Variants in MAP3K19 observed in about 807,000 individuals in gnomAD.
MAP3K19 encodes the protein SPS1/STE20-related protein kinase YSK4.
In MAP3K19, 91 loss-of-function variants were observed where a neutral mutation model predicts 114.4. The observed-to-expected ratio is 0.80, with a 90% CI of 0.67 to 0.95. MAP3K19 has a LOEUF of 0.95. MAP3K19 is among the 40% of genes least tolerant of loss of function. MAP3K19 has a pLI of 0.00. For synonymous variants in MAP3K19, 518 were observed against 530.5 expected, an observed-to-expected ratio of 0.98 and a Z score of 0.32; for missense variants, 1,471 against 1,573.2, an observed-to-expected ratio of 0.94 and a Z score of 1.10.
At chr2:135,000,636 A>G (rs1469774525) in intron 6 of MAP3K19, among the ~76,000 whole-genome samples, 1 of 152,230 alleles carries the variant, frequency 6.6e-6, no homozygotes. Flanking sequence ...CTTAGTGCTG[A>G]AAACAGGGAA....
intron 8 of MAP3K19, among the ~76,000 whole-genome samples, chr2:134,992,432 A>AACC (rs549999783): frequency 9.9e-5 from 15 of 152,090 alleles, no homozygotes; most frequent in African/African-American, 3.4e-4. Context: ...AAACCCCATG[A>AACC]ACCACCACCA....
chr2:135,017,623 C>T (rs1056361628), intron 5 of MAP3K19, among the ~76,000 whole-genome samples: 5 of 152,164 alleles, frequency 3.3e-5, no homozygotes, highest in Non-Finnish European at 7.4e-5. Context: ...CCAAACCCTC[C>T]TGTTTTTCAA....
chr2:135,006,857 AAAG>A (rs200294162), intron 5 of MAP3K19, among the ~76,000 whole-genome samples: 1,708 of 150,672 alleles, frequency 0.011, 24 homozygotes, highest in African/African-American at 0.039. Context: ...AGAAAAAAGA[AAAG>A]AAGAAGAAAA....
chr2:134,980,133 C>G (rs570069338), intron 12 of MAP3K19, among the ~76,000 whole-genome samples: 2 of 152,286 alleles, frequency 1.3e-5, no homozygotes, highest in East Asian at 3.9e-4. Flanking sequence ...GCTCCAGCAC[C>G]CACAGCCCTA....
chr2:134,980,287 A>C (rs144836640), intron 12 of MAP3K19, among the ~76,000 whole-genome samples: 3 of 152,370 alleles, frequency 2.0e-5, no homozygotes, highest in East Asian at 1.9e-4. Context: ...AATTTCCATT[A>C]CATTACAGTT....
chr2:134,987,485 C>T lies in MAP3K19; in HGVS notation c.1387G>A (p.Glu463Lys). The part of the protein sequence containing the change: ...DKLPEGCSSM[E>K]TNIKISIAER... Reference sequence around the variant, plus strand: ...GCTATTGATATTTTTATGTTTGTCTCCATGCTGCTACAACCTTCTGGGAGT... The same window carrying T: ...GCTATTGATATTTTTATGTTTGTCTTCATGCTGCTACAACCTTCTGGGAGT... The change falls in exon 10 of 13, where the codon GAG becomes AAG. Residue 463 changes from glutamate (E) to lysine (K), a missense_variant. Transcript: ENST00000392915. The T allele has an allele frequency of 1.2e-6, 2 of 1,614,176 alleles. No homozygotes were observed. Among genetic ancestry groups the T allele is most frequent in the South Asian group, 1.1e-5 (1 of 91,090 alleles).
Position 134,986,922 on chromosome 2 carries a change from G to A in MAP3K19, c.1950C>T (p.Phe650=), listed in dbSNP as rs190010427. ...NYLDLKYSDM[F]KEINSTANGP... is the part of the protein sequence containing the mutation. ...CATTAGCAGTTGAATTGATTTCTTT[G>A]AACATATCACTATACTTAAGATCTA... The change falls in exon 10 of 13, where the codon TTC becomes TTT. Residue 650 remains phenylalanine (F), a synonymous_variant. Transcript: ENST00000392915. The A allele has an allele frequency of 1.9e-6, 3 of 1,613,908 alleles. No individual in the cohort carries two copies. The highest frequency in any genetic ancestry group is 1.7e-5 in the Admixed American group (1 of 60,002).
At position 135,033,696 on chromosome 2, in the gene MAP3K19, G is replaced by C. The variant is rs1346932771; in HGVS notation, c.-283-3196C>G. Among the ~76,000 whole-genome samples, 4 of 88,574 alleles carry C rather than the reference G, an allele frequency of 4.5e-5. No homozygotes were observed. In the East Asian group the frequency reaches 1.6e-3, roughly 34 times the overall value. 58.1% of individuals were successfully genotyped at this position (88,574 alleles called of 152,430 possible). On this transcript the variant is annotated intron_variant, in intron 2 of 12. Transcript: ENST00000392915. The stretch of plus-strand genomic sequence containing the variant: ...CCCCGGACGGGCGGCCGGCCGGGGG[G>C]GCTAACCCCCCCCACCTCCCTCCCG...
Position 135,005,525 on chromosome 2 carries a change from C to A in MAP3K19, c.145G>T (p.Asp49Tyr). Residue 49 changes from aspartate (D) to tyrosine (Y), a missense_variant, in exon 6 of 13, where the codon GAC (aspartate) becomes TAC (tyrosine). Physicochemically the swap from Asp to Tyr is radical, Grantham distance 160. Coordinates refer to ENST00000392915, the MANE Select transcript of MAP3K19 (RefSeq NM_025052.5). ...LQSISRSEEF[D>Y]QDGDCSHSTL... Reference sequence around the variant, plus strand: ...GAATGACTGCAGTCACCATCTTGGTCGAACTCCTGCAATATCATAAAATTC... The same window carrying A: ...GAATGACTGCAGTCACCATCTTGGTAGAACTCCTGCAATATCATAAAATTC... 6.2e-7 allele frequency: 1 copy of A among 1,612,710 alleles called. No homozygotes were observed. The highest frequency in any genetic ancestry group is 1.1e-5 in the South Asian group (1 of 91,000).
chr2:134,969,253 G>A (rs1683686468), intron 12 of MAP3K19, among the ~76,000 whole-genome samples: 1 of 152,150 alleles, frequency 6.6e-6, no homozygotes, highest in South Asian at 2.1e-4. Context: ...TCGGCAGGCT[G>A]AGGCAGGAGA....
chr2:134,965,837 C>G (rs564979938), intron 12 of MAP3K19, among the ~76,000 whole-genome samples: 1 of 152,184 alleles, frequency 6.6e-6, no homozygotes, highest in Admixed American at 6.5e-5. Flanking sequence ...CTCCTTCTAT[C>G]TAATTATGTA....
chr2:134,966,414 G>T (rs1206396710), intron 12 of MAP3K19, among the ~76,000 whole-genome samples: 1 of 151,724 alleles, frequency 6.6e-6, no homozygotes, highest in Non-Finnish European at 1.5e-5. Flanking sequence ...TGTTATTTTT[G>T]TGGGTTTTTT....
chr2:135,006,684 C>T (rs1340861207), intron 5 of MAP3K19, among the ~76,000 whole-genome samples: 1 of 151,810 alleles, frequency 6.6e-6, no homozygotes, highest in Non-Finnish European at 1.5e-5. Context: ...ATGGCACACC[C>T]CTGTTGTCCC....
intron 1 of MAP3K19, among the ~76,000 whole-genome samples, chr2:135,043,242 G>A (rs1688680723): frequency 6.6e-6 from 1 of 152,156 alleles, no homozygotes; most frequent in African/African-American, 2.4e-5. Flanking sequence ...CAATAGATGA[G>A]GTCAGCAGCA....
chr2:135,005,229 T>C (rs991878363), intron 6 of MAP3K19, among the ~76,000 whole-genome samples: 4 of 152,196 alleles, frequency 2.6e-5, no homozygotes, highest in Non-Finnish European at 4.4e-5. Context: ...ATGGGGTTTG[T>C]TGTACAAATT....
At chr2:135,011,782 G>T (rs1687255614) in intron 5 of MAP3K19, among the ~76,000 whole-genome samples, 1 of 152,010 alleles carries the variant, frequency 6.6e-6, no homozygotes, top group Non-Finnish European at 1.5e-5. Flanking sequence ...TCCTGGGCTT[G>T]AATGATCCTG....
intron 3 of MAP3K19, among the ~76,000 whole-genome samples, chr2:135,025,145 C>T (rs1688202529): frequency 6.6e-6 from 1 of 151,688 alleles, no homozygotes; most frequent in African/African-American, 2.4e-5. Context: ...CTTATCATTC[C>T]AAATAGCTCA....
intron 8 of MAP3K19, among the ~76,000 whole-genome samples, chr2:134,992,176 G>A (rs1685630855): frequency 1.3e-5 from 2 of 152,274 alleles, no homozygotes; most frequent in South Asian, 4.1e-4. Context: ...CTTCGGAGGC[G>A]TTTCTGACAT....
intron 2 of MAP3K19, among the ~76,000 whole-genome samples, chr2:135,035,627 C>CA (rs939455601): frequency 4.1e-4 from 62 of 152,008 alleles, no homozygotes; most frequent in Non-Finnish European, 5.9e-4. Context: ...TATGAATATA[C>CA]AAAAAAACAT....
Sources: gnomAD v4.1 joint callset for allele counts (sites outside exome capture counted in the v4.1 genomes callset) on GRCh38, gnomAD v4.1.1 for gene constraint, MANE v1.5 for transcripts, NCBI Gene and HGNC (gene_info 2026-07-23, HGNC 2026-07-21) for gene names.